Variants in CFI observed in about 807,000 individuals in gnomAD.
CFI encodes complement factor I.
Under a neutral mutation model 78.8 loss-of-function variants are expected in CFI, and 66 were observed. The ratio of observed to expected loss-of-function variants is 0.84; its 90% CI spans 0.69 to 1.03. The LOEUF (loss-of-function observed/expected upper bound fraction) is 1.03, where lower values mean the gene tolerates loss of function less well. CFI is among the 50% of genes least tolerant of loss of function. The pLI is 0.00. For missense variants in CFI, 706 were observed against 704.5 expected (o/e 1.00, Z -0.02); for synonymous variants, 250 against 232.6 (o/e 1.07, Z -0.68).
At chr4:109,794,067 C>T (rs966030554) in intron 1 of CFI, 1 of 152,152 alleles carries the variant, frequency 6.6e-6, no homozygotes, top group Non-Finnish European at 1.5e-5. Context: ...TCAAGACTTT[C>T]TTCATCCTTG....
chr4:109,752,562 C>A, intron 7 of CFI, 59 bp from the exon 8 acceptor site: 1 of 1,373,984 alleles, frequency 7.3e-7, no homozygotes, highest in South Asian at 1.2e-5. Flanking sequence ...AAAATGAAAT[C>A]ATTAAAATCA....
intron 1 of CFI, among the ~76,000 whole-genome samples, chr4:109,770,633 G>GAAAAA (rs370657391): frequency 8.9e-5 from 7 of 78,290 alleles, no homozygotes; most frequent in Admixed American, 1.4e-4. Flanking sequence ...ACACAGACCA[G>GAAAAA]AAAAAAAAAA....
rs550510681 is a variant in CFI, at chr4:109,761,617, G to A, written c.558C>T (p.Cys186=). 4 of 1,613,622 alleles carry A rather than the reference G, an allele frequency of 2.5e-6. No homozygotes were observed. The Admixed American group carries it at 5.0e-5, about 20-fold the overall frequency. Residue 186 remains cysteine (C), a synonymous_variant, in exon 4 of 13, where the codon TGC becomes TGT. Transcript: ENST00000394634. ...INSTECLHVH[C]RGLETSLAEC... ...CAGCCAAACTGGTCTCTAATCCTCGGCAATGCACATGTAGACATTCAGTGG... is the reference window on the plus strand; with the variant it reads ...CAGCCAAACTGGTCTCTAATCCTCGACAATGCACATGTAGACATTCAGTGG...
chr4:109,742,484 C>T lies in CFI; in HGVS notation c.1534+7G>A. The stretch of plus-strand genomic sequence containing the variant: ...TTGACATCTTGGATAAACCACTTGG[C>T]ACTTACCTGCACATTCCATTTCTTT... On this transcript the variant is annotated splice_region_variant and intron_variant, in intron 12 of 12. Transcript: ENST00000394634. 2 of 1,574,392 alleles carry T rather than the reference C, an allele frequency of 1.3e-6. No homozygotes were observed. The highest frequency in any genetic ancestry group is 1.7e-6 in the Non-Finnish European group (2 of 1,143,866).
At chr4:109,794,659 G>T (rs549138907) in intron 1 of CFI, among the ~76,000 whole-genome samples, 37 of 152,168 alleles carry the variant, frequency 2.4e-4, no homozygotes, top group Non-Finnish European at 4.4e-4. Context: ...TGGGTGTGGT[G>T]GTGGGCACCT....
chr4:109,757,930 A>T lies in CFI; in HGVS notation c.884-147T>A, dbSNP rs147079201. The T allele has an allele frequency of 1.0e-4, 151 of 1,452,620 alleles. No homozygotes were observed. In the African/African-American group the frequency reaches 1.9e-3, roughly 18 times the overall value. 90.0% of individuals were successfully genotyped at this position (1,452,620 alleles called of 1,614,324 possible). ...ATATAATTTTTCTATTATAAAAATG[A>T]TTTACCTTGAATTGTAGGATGTCTA... On this transcript the variant is annotated intron_variant, in intron 6 of 12. Coordinates refer to ENST00000394634, the MANE Select transcript of CFI (RefSeq NM_000204.5).
At chr4:109,768,278 CAAAAAA>C (rs59449659) in intron 1 of CFI, among the ~76,000 whole-genome samples, 1 of 87,120 alleles carries the variant, frequency 1.1e-5, no homozygotes, top group African/African-American at 4.5e-5. Context: ...ACTTAAAGTA[CAAAAAA>C]AAAAAAAAAA....
Position 109,746,343 on chromosome 4 carries a change from T to C in CFI, c.1308A>G (p.Lys436=), listed in dbSNP as rs1223020998. 1.2e-6 allele frequency: 2 copies of C among 1,614,220 alleles called. No individual in the cohort carries two copies. The highest frequency in any genetic ancestry group is 3.3e-5 in the Admixed American group (2 of 60,012). Residue 436 remains lysine (K), a synonymous_variant, in exon 11 of 13, where the codon AAA becomes AAG. Coordinates refer to ENST00000394634, the MANE Select transcript of CFI (RefSeq NM_000204.5). ...CACAATCTTTTTTGTTTCCGTCTTTTTTCATTTCAATCAAAGCGATGTCAT... is the reference window on the plus strand; with the variant it reads ...CACAATCTTTTTTGTTTCCGTCTTTCTTCATTTCAATCAAAGCGATGTCAT... ...YQNDIALIEM[K]KDGNKKDCEL... is the part of the protein sequence containing the mutation.
downstream of CFI, among the ~76,000 whole-genome samples, chr4:109,736,853 A>G (rs1391636151): frequency 6.6e-6 from 1 of 152,048 alleles, no homozygotes; most frequent in Admixed American, 6.6e-5. Context: ...CTTAGACATC[A>G]CAACTTCAAA....
intron 1 of CFI, among the ~76,000 whole-genome samples, chr4:109,786,051 A>C (rs112575645): frequency 0.1 from 15,534 of 151,820 alleles, 1,800 homozygotes; most frequent in African/African-American, 0.28. Context: ...TAAAAAAAAA[A>C]CAAAAAAAAC....
chr4:109,776,936 A>G (rs1312711893), intron 1 of CFI, among the ~76,000 whole-genome samples: 4 of 152,258 alleles, frequency 2.6e-5, no homozygotes. Flanking sequence ...AGATTTTGTC[A>G]CCATCAGGCC....
At chr4:109,737,235 G>A (rs942131760), downstream of CFI, among the ~76,000 whole-genome samples, 4 of 151,984 alleles carry the variant, frequency 2.6e-5, no homozygotes, top group African/African-American at 7.3e-5. Context: ...GCTCTCCCTG[G>A]TATGGCCTTT....
At chr4:109,757,931 T>C (rs1726531890) in intron 6 of CFI, 148 bp from the exon 7 acceptor site, 1 of 1,453,510 alleles carries the variant, frequency 6.9e-7, no homozygotes, top group Non-Finnish European at 9.2e-7. Flanking sequence ...ATAAAAATGA[T>C]TTACCTTGAA....
chr4:109,789,829 C>T lies in CFI; in HGVS notation c.57+12086G>A, dbSNP rs143298598. Among the ~76,000 whole-genome samples the T allele has an allele frequency of 5.7e-3, 860 of 152,052 alleles. 4 individuals carry two copies. The highest frequency in any genetic ancestry group is 9.0e-3 in the Non-Finnish European group (612 of 67,936). ...CTATTATGGTAATTTATTGGCCTCG[C>T]GGAATGCATAGGAAGTGTTCCCTCC... On this transcript the variant is annotated intron_variant, in intron 1 of 12. Coordinates refer to ENST00000394634, the MANE Select transcript of CFI (RefSeq NM_000204.5).
chr4:109,770,563 A>G (rs1018645784), intron 1 of CFI, among the ~76,000 whole-genome samples: 1 of 151,534 alleles, frequency 6.6e-6, no homozygotes, highest in African/African-American at 2.4e-5. Context: ...CTCTAAAAAA[A>G]AAAAAAGAAA....
At chr4:109,782,249 A>G (rs972832551) in intron 1 of CFI, among the ~76,000 whole-genome samples, 1 of 152,060 alleles carries the variant, frequency 6.6e-6, no homozygotes, top group African/African-American at 2.4e-5. Context: ...CTTTTTGCTG[A>G]CATAATGATT....
the CFI span, among the ~76,000 whole-genome samples, chr4:109,733,792 C>A: frequency 1.3e-5 from 2 of 152,126 alleles, no homozygotes; most frequent in Non-Finnish European, 2.9e-5. Context: ...CATACCATAT[C>A]CAAGAAGCTT....
Position 109,746,305 on chromosome 4 carries a change from G to A in CFI, c.1346C>T (p.Ser449Phe), listed in dbSNP as rs1724416005. 1 of 1,614,072 alleles carries A rather than the reference G, an allele frequency of 6.2e-7. No individual in the cohort carries two copies. Among genetic ancestry groups the A allele is most frequent in the African/African-American group, 1.3e-5 (1 of 74,934 alleles). The change falls in exon 11 of 13, where the codon TCC becomes TTC. Residue 449 changes from serine to phenylalanine, a missense_variant. Coordinates refer to ENST00000394634, the MANE Select transcript of CFI (RefSeq NM_000204.5). ...GNKKDCELPR[S>F]IPACVPWSPY... ...AGACCAGGGGACACAGGCAGGGATGGAACGAGGCAGCTCACAATCTTTTTT... is the reference window on the plus strand; with the variant it reads ...AGACCAGGGGACACAGGCAGGGATGAAACGAGGCAGCTCACAATCTTTTTT...
At chr4:109,782,621 A>T (rs763599345) in intron 1 of CFI, among the ~76,000 whole-genome samples, 2 of 152,060 alleles carry the variant, frequency 1.3e-5, no homozygotes, top group Non-Finnish European at 2.9e-5. Context: ...TACAAATTCA[A>T]TGCAATCCAA....
Sources: allele counts gnomAD v4.1 joint callset (sites outside exome capture counted in the v4.1 genomes callset), GRCh38; gene constraint gnomAD v4.1.1; transcripts MANE v1.5; gene names NCBI Gene and HGNC (gene_info 2026-07-23, HGNC 2026-07-21).